LRRC4C: variants seen among roughly 807,000 people sequenced by gnomAD.
LRRC4C encodes the protein leucine rich repeat containing 4C.
In LRRC4C, 5 loss-of-function variants were observed where a neutral mutation model predicts 33.6. The observed-to-expected ratio is 0.15, with a 90% CI of 0.08 to 0.31. The LOEUF is 0.31. Ranked by LOEUF, LRRC4C falls within the 10% of genes least tolerant of loss-of-function variation. LRRC4C has a pLI of 1.00. For missense variants in LRRC4C, 560 were observed against 796.7 expected (o/e 0.70, Z 3.58); for synonymous variants, 329 against 302.0 (o/e 1.09, Z -0.93).
intron 2 of LRRC4C, among the ~76,000 whole-genome samples, chr11:40,673,546 C>A (rs1449677832): frequency 3.9e-5 from 6 of 152,126 alleles, no homozygotes; most frequent in Admixed American, 2.0e-4. Context: ...GCATAACTTT[C>A]TCAAAATAAT....
At chr11:40,946,579 ACAGCCTTGC>A (rs1958413163) in intron 1 of LRRC4C, among the ~76,000 whole-genome samples, 1 of 152,146 alleles carries the variant, frequency 6.6e-6, no homozygotes, top group African/African-American at 2.4e-5. Context: ...CCTTTTCTCC[ACAGCCTTGC>A]CAGCCTTGCC....
At chr11:40,450,203 T>C (rs1951822258) in intron 3 of LRRC4C, among the ~76,000 whole-genome samples, 1 of 152,208 alleles carries the variant, frequency 6.6e-6, no homozygotes, top group African/African-American at 2.4e-5. Context: ...TCAATATTTA[T>C]GTTTGATTAG....
intron 5 of LRRC4C, among the ~76,000 whole-genome samples, chr11:40,192,214 C>G (rs1861900531): frequency 1.3e-5 from 2 of 151,860 alleles, no homozygotes; most frequent in South Asian, 4.2e-4. Flanking sequence ...GTCTGCAGCT[C>G]CCAGCGAGAA....
chr11:40,226,813 A>T (rs888481248), intron 5 of LRRC4C, among the ~76,000 whole-genome samples: 1 of 152,226 alleles, frequency 6.6e-6, no homozygotes, highest in Non-Finnish European at 1.5e-5. Context: ...GCATATATAC[A>T]TATGTACATA....
At chr11:40,159,047 T>G (rs971994895) in intron 5 of LRRC4C, among the ~76,000 whole-genome samples, 6 of 152,202 alleles carry the variant, frequency 3.9e-5, no homozygotes, top group Non-Finnish European at 7.3e-5. Flanking sequence ...GGATGGATTG[T>G]AATTATACTA....
At chr11:40,410,321 A>G (rs1235839627) in intron 3 of LRRC4C, among the ~76,000 whole-genome samples, 2 of 152,154 alleles carry the variant, frequency 1.3e-5, no homozygotes, top group Non-Finnish European at 2.9e-5. Flanking sequence ...ACATGCAATC[A>G]ATATAAAAAT....
At chr11:41,309,573 T>C (rs1466220163) in intron 1 of LRRC4C, among the ~76,000 whole-genome samples, 3 of 152,218 alleles carry the variant, frequency 2.0e-5, no homozygotes. Flanking sequence ...CCCACACTCC[T>C]ACTGTCAAAT....
At chr11:40,262,284 T>C (rs977336310) in intron 4 of LRRC4C, among the ~76,000 whole-genome samples, 1 of 152,114 alleles carries the variant, frequency 6.6e-6, no homozygotes, top group South Asian at 2.1e-4. Context: ...ATTATTATTA[T>C]ACCACCTCAC....
At chr11:40,845,320 G>A (rs997220371) in intron 2 of LRRC4C, among the ~76,000 whole-genome samples, 4 of 151,828 alleles carry the variant, frequency 2.6e-5, no homozygotes, top group Admixed American at 6.6e-5. Context: ...CCTACATGTC[G>A]ACAGGCCCCA....
chr11:40,439,024 G>A (rs61886174), intron 3 of LRRC4C, among the ~76,000 whole-genome samples: 54,130 of 144,936 alleles, frequency 0.37, 10,788 homozygotes, highest in East Asian at 0.52. Context: ...TCCGCCTCCC[G>A]GGTTCACGCC....
At chr11:40,953,470 C>T (rs977645638) in intron 1 of LRRC4C, among the ~76,000 whole-genome samples, 3 of 151,824 alleles carry the variant, frequency 2.0e-5, no homozygotes, top group Non-Finnish European at 2.9e-5. Flanking sequence ...GAATACATTG[C>T]ATTATCATTC....
At chr11:41,100,497 G>A (rs1941104470) in intron 1 of LRRC4C, among the ~76,000 whole-genome samples, 1 of 152,068 alleles carries the variant, frequency 6.6e-6, no homozygotes, top group Admixed American at 6.6e-5. Flanking sequence ...AACTCATGAG[G>A]TGGAGGTTTG....
intron 2 of LRRC4C, among the ~76,000 whole-genome samples, chr11:40,736,417 T>C (rs980171130): frequency 6.6e-6 from 1 of 152,168 alleles, no homozygotes; most frequent in Non-Finnish European, 1.5e-5. Flanking sequence ...CTATAATTAA[T>C]GGGCATTTTG....
At chr11:40,473,180 T>C (rs1456564161) in intron 3 of LRRC4C, among the ~76,000 whole-genome samples, 6 of 152,176 alleles carry the variant, frequency 3.9e-5, no homozygotes, top group South Asian at 2.1e-4. Context: ...ATATCCCTGA[T>C]GAACATCAAT....
intron 5 of LRRC4C, among the ~76,000 whole-genome samples, chr11:40,219,346 T>C (rs187546241): frequency 2.2e-4 from 34 of 152,312 alleles, no homozygotes; most frequent in Non-Finnish European, 1.5e-5. Context: ...ATACACTTTG[T>C]ATATTTGTTT....
chr11:41,116,429 T>C (rs1460882768), intron 1 of LRRC4C, among the ~76,000 whole-genome samples: 5 of 152,174 alleles, frequency 3.3e-5, no homozygotes, highest in Non-Finnish European at 5.9e-5. Flanking sequence ...TAGTCTATTT[T>C]AAATGAATGA....
chr11:40,707,004 C>T (rs995921174), intron 2 of LRRC4C, among the ~76,000 whole-genome samples: 2 of 151,784 alleles, frequency 1.3e-5, no homozygotes, highest in Admixed American at 1.3e-4. Flanking sequence ...ATGATTTGGC[C>T]CTCTGTTTGT....
At chr11:40,373,652 A>G (rs1314645581) in intron 3 of LRRC4C, among the ~76,000 whole-genome samples, 1 of 152,150 alleles carries the variant, frequency 6.6e-6, no homozygotes, top group Non-Finnish European at 1.5e-5. Context: ...TGATTCGATC[A>G]TGGTGGCGGC....
chr11:41,082,761 A>G (rs1939673920), intron 1 of LRRC4C, among the ~76,000 whole-genome samples: 2 of 151,822 alleles, frequency 1.3e-5, no homozygotes, highest in Non-Finnish European at 2.9e-5. Flanking sequence ...CTTGGTTTTC[A>G]TATTCTGATA....
Sources: allele counts gnomAD v4.1 joint callset (sites outside exome capture counted in the v4.1 genomes callset), GRCh38; gene constraint gnomAD v4.1.1; transcripts MANE v1.5; gene names NCBI Gene and HGNC (gene_info 2026-07-23, HGNC 2026-07-21).